The following TAOK3 variants were observed in gnomAD, a reference collection of about 807,000 sequenced individuals.
TAOK3 encodes the protein serine/threonine-protein kinase TAO3.
Under a neutral mutation model 120.4 loss-of-function variants are expected in TAOK3, and 40 were observed. That is an observed-to-expected ratio of 0.33 (90% confidence interval 0.26 to 0.43). The LOEUF is 0.43. Ranked by LOEUF, TAOK3 falls within the 20% of genes least tolerant of loss-of-function variation. The probability of loss-of-function intolerance (pLI) is 1.00; values close to 1 mark genes in which losing one functional copy is unlikely to be tolerated. For missense variants in TAOK3, 821 were observed against 1,112.1 expected (o/e 0.74, Z 3.72); for synonymous variants, 355 against 387.5 (o/e 0.92, Z 0.99).
intron 11 of TAOK3, among the ~76,000 whole-genome samples, chr12:118,210,719 T>C (rs1298446997): frequency 6.6e-6 from 1 of 151,758 alleles, no homozygotes; most frequent in African/African-American, 2.4e-5. Context: ...CTATAACATA[T>C]ATTTATTTCT....
At chr12:118,191,228 AT>A (rs2037414018) in intron 13 of TAOK3, among the ~76,000 whole-genome samples, 1 of 152,150 alleles carries the variant, frequency 6.6e-6, no homozygotes, top group Non-Finnish European at 1.5e-5. Context: ...AATTGGGCTG[AT>A]TTTCTTTTTC....
chr12:118,300,443 T>C (rs1041704544), intron 1 of TAOK3, among the ~76,000 whole-genome samples: 4 of 152,178 alleles, frequency 2.6e-5, no homozygotes, highest in Non-Finnish European at 5.9e-5. Flanking sequence ...TCTGTTTGTG[T>C]GGGAGGATTG....
chr12:118,203,433 C>T (rs557467956), intron 11 of TAOK3, among the ~76,000 whole-genome samples: 7 of 152,152 alleles, frequency 4.6e-5, no homozygotes, highest in South Asian at 4.2e-4. Flanking sequence ...AAGCCTGGCG[C>T]GGTGGCTCAC....
intron 1 of TAOK3, among the ~76,000 whole-genome samples, chr12:118,282,558 A>G (rs750915013): frequency 4.6e-5 from 7 of 152,206 alleles, no homozygotes; most frequent in Non-Finnish European, 1.0e-4. Context: ...ATAGAAACCA[A>G]CTCTGGCTAA....
At chr12:118,262,491 GA>G (rs541505935) in intron 2 of TAOK3, among the ~76,000 whole-genome samples, 95 of 151,742 alleles carry the variant, frequency 6.3e-4, no homozygotes, top group African/African-American at 2.2e-3. Flanking sequence ...CAAAGAGAAA[GA>G]AAAAGAAAAT....
chr12:118,244,675 CCCG>C (rs1446097804), intron 4 of TAOK3, among the ~76,000 whole-genome samples: 1 of 151,636 alleles, frequency 6.6e-6, no homozygotes, highest in Non-Finnish European at 1.5e-5. Context: ...ACTACAGGCG[CCCG>C]CCACCACGCC....
chr12:118,235,241 G>A (rs939887531), intron 8 of TAOK3, among the ~76,000 whole-genome samples: 4 of 152,132 alleles, frequency 2.6e-5, no homozygotes, highest in Non-Finnish European at 5.9e-5. Flanking sequence ...CTTACCTGGA[G>A]GCTTTGCCTC....
At chr12:118,267,884 C>CAAAA (rs60331520) in intron 1 of TAOK3, among the ~76,000 whole-genome samples, 1 of 78,852 alleles carries the variant, frequency 1.3e-5, no homozygotes, top group Non-Finnish European at 2.4e-5. Context: ...GACTCCATCT[C>CAAAA]AAAAAAAAAA....
intron 3 of TAOK3, 35 bp from the exon 4 acceptor site, chr12:118,245,000 T>C (rs2040427967): frequency 1.4e-6 from 2 of 1,429,286 alleles, no homozygotes; most frequent in East Asian, 4.6e-5. Flanking sequence ...AGAAAAAGAA[T>C]TAGTGATGTT....
intron 8 of TAOK3, 25 bp from the exon 9 acceptor site, chr12:118,233,790 C>G: frequency 1.3e-6 from 2 of 1,549,264 alleles, no homozygotes; most frequent in Admixed American, 1.9e-5. Flanking sequence ...GTACAAAACT[C>G]AAGTTGGAGA....
intron 1 of TAOK3, among the ~76,000 whole-genome samples, chr12:118,338,865 G>A (rs2044482180): frequency 6.6e-6 from 1 of 151,002 alleles, no homozygotes; most frequent in South Asian, 2.1e-4. Context: ...AACTGGGGAG[G>A]CTTTAAAGAT....
intron 1 of TAOK3, among the ~76,000 whole-genome samples, chr12:118,321,262 A>G (rs1013692173): frequency 6.6e-6 from 1 of 152,088 alleles, no homozygotes; most frequent in African/African-American, 2.4e-5. Context: ...ACAAACATAC[A>G]CACACACATT....
At chr12:118,274,793 T>TA (rs2041849418) in intron 1 of TAOK3, among the ~76,000 whole-genome samples, 1 of 151,398 alleles carries the variant, frequency 6.6e-6, no homozygotes, top group African/African-American at 2.4e-5. Context: ...CACACCCTGT[T>TA]AATTTTTTTT....
At chr12:118,359,334 C>A (rs974377938) in intron 1 of TAOK3, among the ~76,000 whole-genome samples, 10 of 152,144 alleles carry the variant, frequency 6.6e-5, no homozygotes, top group Non-Finnish European at 1.3e-4. Context: ...GAAAGTCTAT[C>A]AATGCTCACC....
At chr12:118,260,463 A>C (rs1490611633) in intron 2 of TAOK3, among the ~76,000 whole-genome samples, 1 of 152,224 alleles carries the variant, frequency 6.6e-6, no homozygotes, top group African/African-American at 2.4e-5. Flanking sequence ...AGGCATGCAG[A>C]AAAGCAGGCA....
At chr12:118,288,932 A>G (rs1334884061) in intron 1 of TAOK3, among the ~76,000 whole-genome samples, 53 of 149,750 alleles carry the variant, frequency 3.5e-4, no homozygotes, top group African/African-American at 7.5e-4. Context: ...AAAAAAAAAA[A>G]AAAGAAAGAA....
At chr12:118,332,025 A>G (rs1484065930) in intron 1 of TAOK3, among the ~76,000 whole-genome samples, 1 of 152,182 alleles carries the variant, frequency 6.6e-6, no homozygotes, top group Admixed American at 6.5e-5. Context: ...GGGTTTCGCC[A>G]TATTGGCGAG....
Position 118,160,469 on chromosome 12 carries a change from T to A in TAOK3, c.2140-111A>T. 1.2e-6 allele frequency: 1 copy of A among 805,442 alleles called. No individual in the cohort carries two copies. Among genetic ancestry groups the A allele is most frequent in the African/African-American group, 1.7e-5 (1 of 58,168 alleles). 49.9% of individuals were successfully genotyped at this position (805,442 alleles called of 1,614,324 possible). The stretch of plus-strand genomic sequence containing the variant: ...TGAGAGCGTCTGTTTTTTGGTGCAG[T>A]GACTCACATTGCTAATCAATAAAAA... On this transcript the variant is annotated intron_variant, in intron 18 of 20. Transcript: ENST00000392533. The surrounding 1 kb of genome is among the most constrained non-coding windows in gnomAD (Gnocchi z 4.2).
intron 1 of TAOK3, among the ~76,000 whole-genome samples, chr12:118,351,350 AGTT>A (rs2141223123): frequency 6.6e-6 from 1 of 152,254 alleles, no homozygotes; most frequent in Non-Finnish European, 1.5e-5. Context: ...TTTCCTTATT[AGTT>A]AAGGAAGAAA....
Sources: allele counts gnomAD v4.1 joint callset (sites outside exome capture counted in the v4.1 genomes callset), GRCh38; gene constraint gnomAD v4.1.1; non-coding constraint Gnocchi (gnomAD v3.1); transcripts MANE v1.5; gene names NCBI Gene and HGNC (gene_info 2026-07-23, HGNC 2026-07-21).